The following PTPRD variants were observed in gnomAD, a reference collection of about 807,000 sequenced individuals.
The protein encoded by PTPRD is protein tyrosine phosphatase receptor type D.
A neutral mutation model predicts 214.5 loss-of-function variants in PTPRD; 34 were observed. The observed-to-expected ratio is 0.16, with a 90% CI of 0.12 to 0.21. The LOEUF (loss-of-function observed/expected upper bound fraction) is 0.21. PTPRD is among the 10% of genes least tolerant of loss of function. The pLI, the probability that PTPRD is intolerant of heterozygous loss-of-function variation, is 1.00. For missense variants in PTPRD, 2,545 were observed against 2,398.7 expected, an observed-to-expected ratio of 1.06 and a Z score of -1.27; for synonymous variants, 1,128 against 845.7, an observed-to-expected ratio of 1.33 and a Z score of -5.79.
intron 10 of PTPRD, among the ~76,000 whole-genome samples, chr9:9,181,864 C>T (rs1037168447): frequency 2.0e-5 from 3 of 151,934 alleles, no homozygotes; most frequent in Admixed American, 2.0e-4. Flanking sequence ...ATGATTAGTT[C>T]TACAGAAATA....
At chr9:10,232,997 A>G (rs563732506) in intron 3 of PTPRD, among the ~76,000 whole-genome samples, 1 of 152,132 alleles carries the variant, frequency 6.6e-6, no homozygotes, top group Admixed American at 6.6e-5. Context: ...ACAAACTTAA[A>G]ACAAGCATCA....
At chr9:9,548,652 G>C (rs2079433615) in intron 8 of PTPRD, among the ~76,000 whole-genome samples, 1 of 151,814 alleles carries the variant, frequency 6.6e-6, no homozygotes, top group Admixed American at 6.6e-5. Context: ...AGACACAAAA[G>C]AGTTAAAAGC....
chr9:8,671,281 C>T (rs2097280434), intron 12 of PTPRD, among the ~76,000 whole-genome samples: 1 of 151,956 alleles, frequency 6.6e-6, no homozygotes, highest in South Asian at 2.1e-4. Flanking sequence ...AACTAATATT[C>T]ACTAAATGAA....
intron 9 of PTPRD, among the ~76,000 whole-genome samples, chr9:9,253,794 A>T (rs191938140): frequency 5.0e-4 from 76 of 152,252 alleles, no homozygotes; most frequent in African/African-American, 1.8e-3. Context: ...GTAACAAATT[A>T]TCACAAACTT....
intron 11 of PTPRD, among the ~76,000 whole-genome samples, chr9:8,979,761 A>T (rs1447503332): frequency 6.6e-6 from 1 of 152,150 alleles, no homozygotes; most frequent in Non-Finnish European, 1.5e-5. Flanking sequence ...CTGGAGAAAA[A>T]GGAACATTAG....
Position 9,783,823 on chromosome 9 carries a change from T to G in PTPRD, c.-367-16972A>C, listed in dbSNP as rs2098889035. ...TCTGTTTTTCTCTCCTGCTTCGTTTTTTTTTTTTTTTTTTAATTAAACTTG... is the reference window on the plus strand; with the variant it reads ...TCTGTTTTTCTCTCCTGCTTCGTTTGTTTTTTTTTTTTTTAATTAAACTTG... On this transcript the variant is annotated intron_variant, in intron 5 of 45. Coordinates refer to ENST00000381196, the MANE Select transcript of PTPRD (RefSeq NM_002839.4). 1.0e-4 allele frequency among the ~76,000 whole-genome samples: 15 copies of G among 149,380 alleles called. No homozygotes were observed. In the South Asian group the frequency reaches 3.2e-3, roughly 31 times the overall value.
chr9:8,991,090 A>G (rs1383272611), intron 11 of PTPRD, among the ~76,000 whole-genome samples: 3 of 151,644 alleles, frequency 2.0e-5, no homozygotes, highest in South Asian at 4.2e-4. Flanking sequence ...ATGTTGGTGC[A>G]TGCCTGTAGT....
chr9:8,634,848 T>C (rs973753078), intron 13 of PTPRD, among the ~76,000 whole-genome samples: 2 of 151,682 alleles, frequency 1.3e-5, no homozygotes, highest in Non-Finnish European at 2.9e-5. Context: ...TTTAGATCTA[T>C]CCTCTTACAA....
intron 2 of PTPRD, among the ~76,000 whole-genome samples, chr9:10,514,064 A>G (rs2049171015): frequency 6.6e-6 from 1 of 152,186 alleles, no homozygotes; most frequent in Admixed American, 6.6e-5. Context: ...AATTCATATC[A>G]GCTAACAAAT....
intron 10 of PTPRD, among the ~76,000 whole-genome samples, chr9:9,139,345 T>A (rs937916615): frequency 4.6e-5 from 7 of 152,210 alleles, no homozygotes; most frequent in Non-Finnish European, 1.0e-4. Context: ...ATTGATTTTC[T>A]TATAAATTGT....
At chr9:8,989,904 T>C (rs1327218249) in intron 11 of PTPRD, among the ~76,000 whole-genome samples, 6 of 152,136 alleles carry the variant, frequency 3.9e-5, no homozygotes, top group Non-Finnish European at 7.4e-5. Context: ...AAATTGCCCA[T>C]ATAAGTTTAC....
chr9:10,271,560 T>A (rs550601527), intron 3 of PTPRD, among the ~76,000 whole-genome samples: 3 of 129,888 alleles, frequency 2.3e-5, no homozygotes, highest in African/African-American at 8.0e-5. Flanking sequence ...TTTTTTTTTT[T>A]GAGACGGAAT....
In PTPRD at chr9:9,775,954, CAAAAAAAA is replaced by C. The variant is rs59412193; in HGVS notation, c.-367-9111_-367-9104del. Among the ~76,000 whole-genome samples, 40 of 28,920 alleles carry C rather than the reference CAAAAAAAA, an allele frequency of 1.4e-3. No homozygotes were observed. The East Asian group carries it at 0.044, about 32-fold the overall frequency. 19.0% of individuals were successfully genotyped at this position (28,920 alleles called of 152,430 possible). A position where few individuals can be genotyped will look rare whatever the true frequency, so the allele number is the denominator to read the frequency against. On this transcript the variant is annotated intron_variant, in intron 5 of 45. Coordinates refer to ENST00000381196, the MANE Select transcript of PTPRD (RefSeq NM_002839.4). ...TGGGCAACAGAGCAAGACTCTGTCT[CAAAAAAAA>C]AAAAAAAAAAAAAAAAAGCAAATCC... is the stretch of plus-strand genomic sequence containing the variant.
intron 7 of PTPRD, among the ~76,000 whole-genome samples, chr9:9,716,875 T>G (rs1168416747): frequency 6.6e-6 from 1 of 152,078 alleles, no homozygotes; most frequent in Non-Finnish European, 1.5e-5. Flanking sequence ...TTTGTCAATT[T>G]TGGCTTTTGT....
At chr9:9,863,134 A>C (rs2063162598) in intron 5 of PTPRD, among the ~76,000 whole-genome samples, 1 of 152,190 alleles carries the variant, frequency 6.6e-6, no homozygotes, top group African/African-American at 2.4e-5. Context: ...TATGAAGATA[A>C]ATTTGACAAA....
At chr9:9,989,606 T>G (rs1465545608) in intron 4 of PTPRD, among the ~76,000 whole-genome samples, 1 of 151,974 alleles carries the variant, frequency 6.6e-6, no homozygotes, top group Non-Finnish European at 1.5e-5. Flanking sequence ...TTCACCACCC[T>G]CCAATTTTTT....
At chr9:9,082,280 C>T (rs969725659) in intron 10 of PTPRD, among the ~76,000 whole-genome samples, 1 of 152,122 alleles carries the variant, frequency 6.6e-6, no homozygotes, top group African/African-American at 2.4e-5. Flanking sequence ...AGCTTCATCC[C>T]TGGGACACAA....
At chr9:10,472,680 G>T (rs891454846) in intron 2 of PTPRD, among the ~76,000 whole-genome samples, 1 of 152,046 alleles carries the variant, frequency 6.6e-6, no homozygotes, top group Admixed American at 6.6e-5. Flanking sequence ...TAGATGTTCA[G>T]AAACAGATTT....
intron 11 of PTPRD, among the ~76,000 whole-genome samples, chr9:8,757,549 T>C (rs2094096673): frequency 6.6e-6 from 1 of 151,412 alleles, no homozygotes; most frequent in South Asian, 2.1e-4. Flanking sequence ...CAGGGAACAA[T>C]AAATCTCAAA....
Sources: gnomAD v4.1 joint callset for allele counts (sites outside exome capture counted in the v4.1 genomes callset) on GRCh38, gnomAD v4.1.1 for gene constraint, MANE v1.5 for transcripts, NCBI Gene and HGNC (gene_info 2026-07-23, HGNC 2026-07-21) for gene names.